The following VIPR2 variants were observed in gnomAD, a reference collection of about 807,000 sequenced individuals.
VIPR2 encodes the protein vasoactive intestinal peptide receptor 2, also known as vasoactive intestinal polypeptide receptor 2.
In VIPR2, 48 loss-of-function variants were observed where a neutral mutation model predicts 58.0. The observed-to-expected ratio is 0.83, with a 90% CI of 0.66 to 1.05. The LOEUF (loss-of-function observed/expected upper bound fraction) is 1.05. VIPR2 is among the 50% of genes least tolerant of loss of function. The probability of loss-of-function intolerance (pLI) is 0.00; values close to 1 mark genes in which losing one functional copy is unlikely to be tolerated. For missense variants in VIPR2, 534 were observed against 558.0 expected, an observed-to-expected ratio of 0.96 and a Z score of 0.43; for synonymous variants, 243 against 235.2, an observed-to-expected ratio of 1.03 and a Z score of -0.30.
At chr7:159,129,331 A>G (rs28578954) in intron 2 of VIPR2, among the ~76,000 whole-genome samples, 1 of 109,320 alleles carries the variant, frequency 9.1e-6, no homozygotes, top group Non-Finnish European at 1.8e-5. Context: ...CTCAAACTGG[A>G]CTCTGGTGGG....
chr7:159,068,777 C>T (rs1268561293), intron 4 of VIPR2, among the ~76,000 whole-genome samples: 2 of 152,236 alleles, frequency 1.3e-5, no homozygotes, highest in Non-Finnish European at 2.9e-5. Context: ...GCCACTGTCT[C>T]CTTTCCAATT....
At chr7:159,091,963 A>C (rs1857531044) in intron 4 of VIPR2, among the ~76,000 whole-genome samples, 1 of 152,182 alleles carries the variant, frequency 6.6e-6, no homozygotes, top group Admixed American at 6.5e-5. Context: ...CTGGTGGCGC[A>C]CGTCTGTAGT....
chr7:159,032,207 C>G (rs753117338), intron 10 of VIPR2, 140 bp from the exon 11 acceptor site: 49 of 1,197,800 alleles, frequency 4.1e-5, no homozygotes, highest in Non-Finnish European at 4.9e-5. Flanking sequence ...CCCCGCCCAA[C>G]AAGAAAAACC....
chr7:159,031,775 C>T lies in VIPR2; in HGVS notation c.1143+53G>A, dbSNP rs751523742. ...GCTGCGGCACCAGGCTGGGCAGCAT[C>T]TCAGGAAGCAAGTGAGTACCTGTGC... On this transcript the variant is annotated intron_variant, in intron 12 of 12. Coordinates refer to ENST00000262178, the MANE Select transcript of VIPR2 (RefSeq NM_003382.5). The surrounding 1 kb of genome is among the most constrained non-coding windows in gnomAD (Gnocchi z 4.0). The T allele has an allele frequency of 6.2e-7, 1 of 1,612,968 alleles. No individual in the cohort carries two copies. The highest frequency in any genetic ancestry group is 8.5e-7 in the Non-Finnish European group (1 of 1,179,918).
At chr7:159,109,336 G>C (rs1795897306) in intron 3 of VIPR2, among the ~76,000 whole-genome samples, 1 of 152,224 alleles carries the variant, frequency 6.6e-6, no homozygotes, top group Non-Finnish European at 1.5e-5. Context: ...CATCAAACCT[G>C]TGAGGCGGCA....
Position 159,031,960 on chromosome 7 carries a change from T to A in VIPR2, c.1079A>T (p.Glu360Val). The A allele has an allele frequency of 6.2e-7, 1 of 1,614,110 alleles. No homozygotes were observed. The highest frequency in any genetic ancestry group is 8.5e-7 in the Non-Finnish European group (1 of 1,180,020). Residue 360 changes from glutamate (E) to valine (V), a missense_variant, in exon 11 of 13, where the codon GAG becomes GTG. By Grantham distance (121) the Glu-to-Val change is moderately radical. Around this residue, in one of 3 missense-constraint regions of VIPR2, gnomAD observed 306 missense variants for 285.8 expected, o/e 1.07. Transcript: ENST00000262178. The surrounding 1 kb of genome is among the most constrained non-coding windows in gnomAD (Gnocchi z 4.0). Reference protein sequence around the residue: ...SISSKYQILFELCLGSFQGLV... With the variant: ...SISSKYQILFVLCLGSFQGLV... ...TACCTGGAACGACCCGAGGCACAGC[T>A]CAAACAGTATCTGGTATTTGGAGGA...
intron 2 of VIPR2, among the ~76,000 whole-genome samples, chr7:159,135,003 A>AGTTTTTTTT (rs1797145107): frequency 1.1e-5 from 1 of 89,134 alleles, no homozygotes; most frequent in African/African-American, 5.3e-5. Flanking sequence ...TAATTACAAA[A>AGTTTTTTTT]GTTTTTTTTT....
chr7:159,111,679 C>A (rs1451884333), intron 2 of VIPR2, among the ~76,000 whole-genome samples: 6 of 142,252 alleles, frequency 4.2e-5, no homozygotes, highest in Admixed American at 2.8e-4. Flanking sequence ...GATTCCGTCT[C>A]AAAAAAAAAA....
intron 4 of VIPR2, among the ~76,000 whole-genome samples, chr7:159,072,862 G>T (rs1856477655): frequency 6.6e-6 from 1 of 152,220 alleles, no homozygotes; most frequent in Non-Finnish European, 1.5e-5. Context: ...AAAGTGTGAT[G>T]CACAGCTCTG....
intron 4 of VIPR2, among the ~76,000 whole-genome samples, chr7:159,062,604 G>A (rs767802655): frequency 2.6e-5 from 4 of 152,136 alleles, no homozygotes; most frequent in Admixed American, 6.5e-5. Flanking sequence ...TAGGAGTGAA[G>A]CCGCAGACAT....
At chr7:159,130,176 G>A (rs969678350) in intron 2 of VIPR2, among the ~76,000 whole-genome samples, 1 of 152,226 alleles carries the variant, frequency 6.6e-6, no homozygotes, top group Admixed American at 6.5e-5. Flanking sequence ...CTTGACTTTA[G>A]ATGCCCTCAA....
chr7:159,054,568 T>G (rs955941399), intron 5 of VIPR2, among the ~76,000 whole-genome samples: 4 of 152,246 alleles, frequency 2.6e-5, no homozygotes, highest in African/African-American at 9.6e-5. Flanking sequence ...TGAACTCATT[T>G]TCCACCAGGG....
chr7:159,053,477 C>T (rs1245682107), intron 5 of VIPR2, among the ~76,000 whole-genome samples: 1 of 152,184 alleles, frequency 6.6e-6, no homozygotes, highest in African/African-American at 2.4e-5. Context: ...AGAACGATGT[C>T]CTGTCTATCC....
chr7:159,071,131 A>T (rs1260856811), intron 4 of VIPR2, among the ~76,000 whole-genome samples: 3 of 152,244 alleles, frequency 2.0e-5, no homozygotes, highest in Admixed American at 1.3e-4. Flanking sequence ...GGTTGCACAG[A>T]CATTCATTCA....
chr7:159,112,787 CGGGA>C (rs1796083600), intron 2 of VIPR2, among the ~76,000 whole-genome samples: 219 of 149,242 alleles, frequency 1.5e-3, no homozygotes, highest in Middle Eastern at 3.5e-3. Flanking sequence ...CTGCCTGGGA[CGGGA>C]CCCGGCTGAG....
At chr7:159,114,306 C>A (rs569300093) in intron 2 of VIPR2, among the ~76,000 whole-genome samples, 2 of 147,996 alleles carry the variant, frequency 1.4e-5, no homozygotes, top group East Asian at 4.1e-4. Context: ...CAGGGCCACC[C>A]CCGAGAGAAG....
At position 159,121,172 on chromosome 7, in the gene VIPR2, T is replaced by C. The variant is rs1246428562; in HGVS notation, c.152-11253A>G. ...TGACCTGCTCAGGAGACCTGGGTGG[T>C]CACCTCCCTCCCTCCCTCCCTCCCT... On this transcript the variant is annotated intron_variant, in intron 2 of 12. Transcript: ENST00000262178. Among the ~76,000 whole-genome samples the C allele has an allele frequency of 3.3e-5, 5 of 151,616 alleles. No individual in the cohort carries two copies. The East Asian group carries it at 9.7e-4, about 29-fold the overall frequency.
At chr7:159,066,005 T>C (rs901172668) in intron 4 of VIPR2, among the ~76,000 whole-genome samples, 3 of 152,218 alleles carry the variant, frequency 2.0e-5, no homozygotes, top group Non-Finnish European at 4.4e-5. Context: ...CTGGGGTAGG[T>C]TTTCCTTTAG....
intron 4 of VIPR2, among the ~76,000 whole-genome samples, chr7:159,101,538 AGGC>A: frequency 7.7e-6 from 1 of 129,900 alleles, no homozygotes; most frequent in East Asian, 2.4e-4. Context: ...AGATCCGACG[AGGC>A]GGTTCCCCTG....
Sources: gnomAD v4.1 joint callset for allele counts (sites outside exome capture counted in the v4.1 genomes callset) on GRCh38, gnomAD v4.1.1 for gene constraint, gnomAD v4.1.1 regional missense constraint, Gnocchi (gnomAD v3.1) non-coding constraint, MANE v1.5 for transcripts, NCBI Gene and HGNC (gene_info 2026-07-23, HGNC 2026-07-21) for gene names.